The following CHSY3 variants were observed in gnomAD, a reference collection of about 807,000 sequenced individuals.
CHSY3 encodes the protein chondroitin sulfate synthase 3, also known as N-acetylgalactosaminyl-proteoglycan 3-beta-glucuronosyltransferase 3.
CHSY3 carries 35 observed loss-of-function variants against 67.2 expected under a neutral mutation model. The observed-to-expected ratio is 0.52, with a 90% confidence interval of 0.40 to 0.69. The LOEUF (loss-of-function observed/expected upper bound fraction) is 0.69. CHSY3 is among the 30% of genes least tolerant of loss of function. CHSY3 has a pLI of 0.00. For missense variants in CHSY3, 1,069 were observed against 1,138.5 expected, an observed-to-expected ratio of 0.94 and a Z score of 0.88; for synonymous variants, 474 against 434.7, an observed-to-expected ratio of 1.09 and a Z score of -1.12.
intron 2 of CHSY3, among the ~76,000 whole-genome samples, chr5:130,086,041 A>G (rs1282080331): frequency 1.3e-5 from 2 of 151,990 alleles, no homozygotes; most frequent in African/African-American, 2.4e-5. Context: ...TATGTGGTCA[A>G]TTTTGGAATA....
chr5:130,025,332 A>G (rs1413206253), intron 2 of CHSY3, among the ~76,000 whole-genome samples: 1 of 152,082 alleles, frequency 6.6e-6, no homozygotes, highest in Non-Finnish European at 1.5e-5. Flanking sequence ...AAAAGAAGCA[A>G]CATGCAAAAG....
At chr5:130,146,733 T>C (rs1028759018) in intron 2 of CHSY3, among the ~76,000 whole-genome samples, 2 of 152,176 alleles carry the variant, frequency 1.3e-5, no homozygotes, top group African/African-American at 4.8e-5. Flanking sequence ...CCCATGAATA[T>C]CTACAATTAT....
In CHSY3 at chr5:130,064,991, CTCT is replaced by C. The variant is rs202220525; in HGVS notation, c.1087-119233_1087-119231del. Among the ~76,000 whole-genome samples, 581 of 152,244 alleles carry C rather than the reference CTCT, an allele frequency of 3.8e-3. 7 individuals carry two copies. The highest frequency in any genetic ancestry group is 0.014 in the Middle Eastern group (4 of 294). ...ATCAGTTTGCAAAAGTAGTTTCTTT[CTCT>C]TCTTTTTCATTACCCTGTGTCATTG... is the stretch of plus-strand genomic sequence containing the variant. On this transcript the variant is annotated intron_variant, in intron 2 of 2. Coordinates refer to ENST00000305031, the MANE Select transcript of CHSY3 (RefSeq NM_175856.5).
At chr5:129,911,717 C>T (rs1208269833) in intron 2 of CHSY3, among the ~76,000 whole-genome samples, 1 of 151,908 alleles carries the variant, frequency 6.6e-6, no homozygotes, top group Non-Finnish European at 1.5e-5. Flanking sequence ...AATAAGAAAC[C>T]AGTATGTTGC....
chr5:130,124,111 C>T (rs536077732), intron 2 of CHSY3, among the ~76,000 whole-genome samples: 10 of 146,544 alleles, frequency 6.8e-5, no homozygotes, highest in African/African-American at 2.3e-4. Context: ...ATAAAATTGA[C>T]TATATAATAT....
At chr5:130,042,518 T>C (rs1383746954) in intron 2 of CHSY3, among the ~76,000 whole-genome samples, 1 of 152,164 alleles carries the variant, frequency 6.6e-6, no homozygotes, top group East Asian at 1.9e-4. Flanking sequence ...CATCATTTTA[T>C]TTGATAGCAA....
chr5:129,918,530 A>C (rs1760806302), intron 2 of CHSY3, among the ~76,000 whole-genome samples: 1 of 152,210 alleles, frequency 6.6e-6, no homozygotes, highest in Non-Finnish European at 1.5e-5. Context: ...GGCGGAAAGT[A>C]CAGGATACAC....
At chr5:129,990,402 G>GTGTA (rs2149629685) in intron 2 of CHSY3, among the ~76,000 whole-genome samples, 1 of 151,812 alleles carries the variant, frequency 6.6e-6, no homozygotes, top group East Asian at 2.0e-4. Context: ...GTGTGTGTGT[G>GTGTA]TGTCCTGCTG....
At chr5:129,969,749 G>T (rs770473698) in intron 2 of CHSY3, among the ~76,000 whole-genome samples, 1 of 151,764 alleles carries the variant, frequency 6.6e-6, no homozygotes, top group Non-Finnish European at 1.5e-5. Flanking sequence ...AATAATTTTG[G>T]TAAGGTTGTC....
chr5:129,904,652 C>T lies in CHSY3; in HGVS notation c.-178C>T. The T allele has an allele frequency of 9.8e-7, 1 of 1,019,816 alleles. No individual in the cohort carries two copies. The highest frequency in any genetic ancestry group is 1.2e-6 in the Non-Finnish European group (1 of 803,564). The allele number at this position is 1,019,816 out of a possible 1,614,324, so 63.2% of individuals were successfully genotyped here. ...TGAGCGGGAGCCCGGCAGGCAGCTG[C>T]AGCCCGCGGCAGTCGAGGCGTCCGC... On this transcript the variant is annotated 5_prime_UTR_variant, in exon 1 of 3. Coordinates refer to ENST00000305031, the MANE Select transcript of CHSY3 (RefSeq NM_175856.5).
At chr5:130,176,241 A>T (rs1175986226) in intron 2 of CHSY3, among the ~76,000 whole-genome samples, 1 of 152,174 alleles carries the variant, frequency 6.6e-6, no homozygotes, top group Non-Finnish European at 1.5e-5. Context: ...CAACAAATAT[A>T]TGAAAAAAAA....
chr5:129,907,227 A>T (rs1179690825), intron 1 of CHSY3, among the ~76,000 whole-genome samples: 1 of 152,208 alleles, frequency 6.6e-6, no homozygotes, highest in Non-Finnish European at 1.5e-5. Context: ...TTAAAATGAC[A>T]TATTATTTCA....
intron 2 of CHSY3, among the ~76,000 whole-genome samples, chr5:130,111,517 T>A (rs1001242601): frequency 1.3e-5 from 2 of 152,124 alleles, no homozygotes; most frequent in Non-Finnish European, 2.9e-5. Flanking sequence ...TATGATTATT[T>A]ATTTGTGTAA....
intron 2 of CHSY3, among the ~76,000 whole-genome samples, chr5:129,980,460 G>A (rs1762949706): frequency 6.6e-6 from 1 of 152,104 alleles, no homozygotes; most frequent in South Asian, 2.1e-4. Flanking sequence ...TTTTGAATCA[G>A]GTTGTTTGTG....
At chr5:130,139,155 C>A (rs1220584331) in intron 2 of CHSY3, among the ~76,000 whole-genome samples, 1 of 152,156 alleles carries the variant, frequency 6.6e-6, no homozygotes. Context: ...TATCACTAGG[C>A]AATAAAAATG....
At chr5:130,148,850 G>A (rs940080189) in intron 2 of CHSY3, among the ~76,000 whole-genome samples, 11 of 151,970 alleles carry the variant, frequency 7.2e-5, no homozygotes, top group Non-Finnish European at 1.5e-4. Context: ...TGGGTTGTCC[G>A]GTGACTCTGT....
intron 2 of CHSY3, among the ~76,000 whole-genome samples, 160 bp from the exon 3 acceptor site, chr5:130,184,064 CTATTT>C (rs1156403005): frequency 6.6e-6 from 1 of 151,580 alleles, no homozygotes; most frequent in Admixed American, 6.6e-5. Context: ...AATAATAAAA[CTATTT>C]TAATTTTAAA....
At position 130,082,262 on chromosome 5, in the gene CHSY3, T is replaced by C. The variant is rs1040800776; in HGVS notation, c.1087-101967T>C. Among the ~76,000 whole-genome samples, 3 of 130,796 alleles carry C rather than the reference T, an allele frequency of 2.3e-5. No homozygotes were observed. The Admixed American group carries it at 2.5e-4, about 11-fold the overall frequency. The allele number at this position is 130,796 out of a possible 152,430, so 85.8% of individuals were successfully genotyped here. On this transcript the variant is annotated intron_variant, in intron 2 of 2. Coordinates refer to ENST00000305031, the MANE Select transcript of CHSY3 (RefSeq NM_175856.5). ...TTAAAGTGGACTGCTGAATTTTTACTTATATAAAACAAGCTTTGATTTATA... is the reference window on the plus strand; with the variant it reads ...TTAAAGTGGACTGCTGAATTTTTACCTATATAAAACAAGCTTTGATTTATA...
intron 2 of CHSY3, among the ~76,000 whole-genome samples, chr5:130,033,552 G>A (rs989821749): frequency 8.5e-5 from 13 of 152,228 alleles, no homozygotes; most frequent in African/African-American, 3.1e-4. Context: ...ATTAATAACA[G>A]TAACTCCCAC....
Sources: gnomAD v4.1 joint callset for allele counts (sites outside exome capture counted in the v4.1 genomes callset) on GRCh38, gnomAD v4.1.1 for gene constraint, MANE v1.5 for transcripts, NCBI Gene and HGNC (gene_info 2026-07-23, HGNC 2026-07-21) for gene names.